CTNNA3: variants seen among roughly 807,000 people sequenced by gnomAD.
CTNNA3 encodes catenin alpha 3, also known as catenin alpha-3.
Under a neutral mutation model 95.7 loss-of-function variants are expected in CTNNA3, and 76 were observed. The observed-to-expected ratio is 0.79, with a 90% confidence interval of 0.66 to 0.96. The LOEUF is 0.96. CTNNA3 is among the 40% of genes least tolerant of loss of function. The probability of loss-of-function intolerance (pLI) is 0.00; values close to 1 mark genes in which losing one functional copy is unlikely to be tolerated. For missense variants in CTNNA3, 1,191 were observed against 1,089.8 expected (o/e 1.09, Z -1.31); for synonymous variants, 431 against 374.4 (o/e 1.15, Z -1.74).
At chr10:67,160,430 C>T (rs913057903) in intron 7 of CTNNA3, among the ~76,000 whole-genome samples, 9 of 139,632 alleles carry the variant, frequency 6.4e-5, no homozygotes, top group Non-Finnish European at 1.4e-4. Context: ...ATATTCATCA[C>T]ATCTTTTTTT....
intron 9 of CTNNA3, among the ~76,000 whole-genome samples, chr10:66,740,238 C>A (rs1198127971): frequency 1.3e-5 from 2 of 152,164 alleles, no homozygotes; most frequent in South Asian, 2.1e-4. Context: ...AGCAAGAATA[C>A]CACCATGTAC....
intron 11 of CTNNA3, among the ~76,000 whole-genome samples, chr10:66,403,679 C>A (rs927570769): frequency 2.6e-5 from 4 of 152,090 alleles, no homozygotes; most frequent in Non-Finnish European, 4.4e-5. Context: ...GGTGAGCAGA[C>A]CCCAGTTTGG....
At chr10:66,448,793 A>G (rs2093442591) in intron 11 of CTNNA3, among the ~76,000 whole-genome samples, 1 of 152,044 alleles carries the variant, frequency 6.6e-6, no homozygotes, top group Non-Finnish European at 1.5e-5. Context: ...AAACCTGCAT[A>G]TTGTCCACAT....
chr10:67,060,311 T>G (rs1290237799), intron 7 of CTNNA3, among the ~76,000 whole-genome samples: 1 of 152,118 alleles, frequency 6.6e-6, no homozygotes, highest in African/African-American at 2.4e-5. Flanking sequence ...AGACCTTGTC[T>G]CAAAGAAAAG....
rs924932399 is a variant in CTNNA3 at position 67,218,392 on chromosome 10, G to A, written c.843+1215C>T. On this transcript the variant is annotated intron_variant, in intron 6 of 17. Coordinates refer to ENST00000433211, the MANE Select transcript of CTNNA3 (RefSeq NM_013266.4). ...CCCAGGGTAGAGTAACCTGCATCCA[G>A]TGACTGAAAGAGACATACAGGCCTG... 5.3e-5 allele frequency among the ~76,000 whole-genome samples: 8 copies of A among 152,158 alleles called. No individual in the cohort carries two copies. In the South Asian group the frequency reaches 8.3e-4, roughly 16 times the overall value.
intron 9 of CTNNA3, among the ~76,000 whole-genome samples, chr10:66,624,862 A>C (rs1844877529): frequency 6.6e-6 from 1 of 152,156 alleles, no homozygotes; most frequent in Non-Finnish European, 1.5e-5. Flanking sequence ...TGCTACCCTG[A>C]AGAAAGTCTT....
At chr10:66,434,301 G>A (rs1176534818) in intron 11 of CTNNA3, among the ~76,000 whole-genome samples, 2 of 152,114 alleles carry the variant, frequency 1.3e-5, no homozygotes, top group Non-Finnish European at 2.9e-5. Context: ...CTGTTTGTTT[G>A]TGTTGTCTCT....
chr10:66,527,226 C>T (rs746244635), intron 10 of CTNNA3, among the ~76,000 whole-genome samples: 19 of 152,254 alleles, frequency 1.2e-4, no homozygotes, highest in Admixed American at 3.9e-4. Context: ...AATCATTTGA[C>T]TGTAAATGCA....
intron 9 of CTNNA3, among the ~76,000 whole-genome samples, chr10:66,673,680 A>G (rs1003490909): frequency 4.6e-5 from 7 of 152,090 alleles, no homozygotes; most frequent in Non-Finnish European, 8.8e-5. Flanking sequence ...GTCAAAGGAT[A>G]TACTACATAA....
intron 3 of CTNNA3, among the ~76,000 whole-genome samples, chr10:67,604,394 T>G (rs1374991622): frequency 6.6e-6 from 1 of 152,170 alleles, no homozygotes; most frequent in Non-Finnish European, 1.5e-5. Flanking sequence ...GTTTAAAAGT[T>G]TGAACTTTAT....
In CTNNA3 at chr10:66,649,456, G is replaced by A. The variant is rs185325180; in HGVS notation, c.1282-27672C>T. On this transcript the variant is annotated intron_variant, in intron 9 of 17. Coordinates refer to ENST00000433211, the MANE Select transcript of CTNNA3 (RefSeq NM_013266.4). ...ACAGTTTTAAATCACCTGTGAAGCC[G>A]CTTCACAAACTGTATACAGCACGGA... 1.9e-3 allele frequency among the ~76,000 whole-genome samples: 293 copies of A among 152,226 alleles called. 2 individuals are homozygous for A. Among genetic ancestry groups the A allele is most frequent in the Non-Finnish European group, 3.5e-3 (235 of 67,996 alleles).
chr10:66,529,373 C>G (rs1163665115), intron 10 of CTNNA3, among the ~76,000 whole-genome samples: 5 of 151,600 alleles, frequency 3.3e-5, no homozygotes, highest in African/African-American at 4.8e-5. Context: ...CTCAGGTGAT[C>G]CACCCGCCTT....
chr10:67,003,551 C>G (rs1454612139), intron 7 of CTNNA3, among the ~76,000 whole-genome samples: 1 of 152,166 alleles, frequency 6.6e-6, no homozygotes, highest in Non-Finnish European at 1.5e-5. Flanking sequence ...ACTGAAGGCT[C>G]TTATAAGTCC....
rs1316089627 is a variant in CTNNA3 at position 65,919,065 on chromosome 10, T to C, written c.*1265A>G. 1 of 152,086 alleles carries C rather than the reference T, an allele frequency of 6.6e-6. No homozygotes were observed. Among genetic ancestry groups the C allele is most frequent in the Non-Finnish European group, 1.5e-5 (1 of 68,000 alleles). 9.4% of individuals were successfully genotyped at this position (152,086 alleles called of 1,614,324 possible). On this transcript the variant is annotated 3_prime_UTR_variant, in exon 18 of 18. Transcript: ENST00000433211. Reference sequence around the variant, plus strand: ...TTAAAGTCTGTGAATCAGAACTCTATGAATGAGAAAAAATGAAAACAAAAC... The same window carrying C: ...TTAAAGTCTGTGAATCAGAACTCTACGAATGAGAAAAAATGAAAACAAAAC...
At chr10:67,677,676 A>G (rs568555783) in intron 1 of CTNNA3, among the ~76,000 whole-genome samples, 2 of 152,264 alleles carry the variant, frequency 1.3e-5, no homozygotes, top group South Asian at 4.1e-4. Flanking sequence ...ATACATTTCT[A>G]ACTACACTCA....
intron 3 of CTNNA3, among the ~76,000 whole-genome samples, chr10:67,577,702 ATG>A (rs112856846): frequency 0.25 from 37,887 of 149,162 alleles, 7,596 homozygotes; most frequent in African/African-American, 0.56. Context: ...ATACACACAT[ATG>A]TGTGTGTGTG....
chr10:66,335,831 G>T (rs1176518932), intron 12 of CTNNA3, among the ~76,000 whole-genome samples: 2 of 152,106 alleles, frequency 1.3e-5, no homozygotes, highest in African/African-American at 4.8e-5. Context: ...CTCAGAGGTG[G>T]AGTCTACAGA....
chr10:65,988,034 T>C (rs2078463538), intron 16 of CTNNA3, among the ~76,000 whole-genome samples: 1 of 151,662 alleles, frequency 6.6e-6, no homozygotes, highest in South Asian at 2.1e-4. Context: ...CAGGGAAGAG[T>C]AGCGGAGAGG....
chr10:67,398,099 G>C (rs1844781575), intron 5 of CTNNA3, among the ~76,000 whole-genome samples: 1 of 152,238 alleles, frequency 6.6e-6, no homozygotes, highest in South Asian at 2.1e-4. Flanking sequence ...AAATGGAGTT[G>C]TGAGAAGAGG....
Sources: gnomAD v4.1 joint callset for allele counts (sites outside exome capture counted in the v4.1 genomes callset) on GRCh38, gnomAD v4.1.1 for gene constraint, MANE v1.5 for transcripts, NCBI Gene and HGNC (gene_info 2026-07-23, HGNC 2026-07-21) for gene names.